Variants in MIPOL1 observed in about 807,000 individuals in gnomAD.
MIPOL1 encodes mirror-image polydactyly gene 1 protein.
Under a neutral mutation model 60.9 loss-of-function variants are expected in MIPOL1, and 57 were observed. That is an observed-to-expected ratio of 0.94 (90% CI 0.76 to 1.17). MIPOL1 has a LOEUF of 1.17. MIPOL1 is among the 50% of genes most tolerant of loss of function. The pLI is 0.00. For missense variants in MIPOL1, 551 were observed against 511.6 expected (o/e 1.08, Z -0.74); for synonymous variants, 179 against 168.8 (o/e 1.06, Z -0.47).
At chr14:37,304,045 T>G (rs1275198834) in intron 7 of MIPOL1, among the ~76,000 whole-genome samples, 1 of 151,754 alleles carries the variant, frequency 6.6e-6, no homozygotes, top group Non-Finnish European at 1.5e-5. Context: ...CTGTCAAGAG[T>G]GTGTTTTAGA....
chr14:37,287,166 A>G (rs1055793880), intron 7 of MIPOL1, among the ~76,000 whole-genome samples: 44 of 151,806 alleles, frequency 2.9e-4, no homozygotes, highest in Middle Eastern at 3.5e-3. Context: ...ACAGGTTGTC[A>G]TAAGGAGTAA....
chr14:37,198,493 T>C (rs1431116212), intron 1 of MIPOL1, among the ~76,000 whole-genome samples: 1 of 152,136 alleles, frequency 6.6e-6, no homozygotes, highest in African/African-American at 2.4e-5. Flanking sequence ...TCGTTTTATA[T>C]TTCATTTCTC....
chr14:37,278,854 A>C (rs1028515412), intron 6 of MIPOL1: 4 of 151,944 alleles, frequency 2.6e-5, no homozygotes, highest in African/African-American at 9.6e-5. Flanking sequence ...CCTTGACTCA[A>C]TAAACTCATA....
intron 10 of MIPOL1, among the ~76,000 whole-genome samples, chr14:37,380,709 GTGT>G (rs1324594114): frequency 4.6e-5 from 7 of 152,270 alleles, no homozygotes; most frequent in African/African-American, 1.7e-4. Flanking sequence ...TTCATAGTCA[GTGT>G]TGTTTTAGGA....
chr14:37,418,935 A>G (rs956134286), intron 10 of MIPOL1, among the ~76,000 whole-genome samples: 2 of 152,070 alleles, frequency 1.3e-5, no homozygotes, highest in Admixed American at 6.6e-5. Flanking sequence ...ATATAGCTAT[A>G]TATATCTATA....
At chr14:37,405,356 A>C (rs1171260661) in intron 10 of MIPOL1, among the ~76,000 whole-genome samples, 2 of 152,154 alleles carry the variant, frequency 1.3e-5, no homozygotes, top group Non-Finnish European at 2.9e-5. Flanking sequence ...ATTAACATAA[A>C]TGAAGTCAGG....
At chr14:37,340,693 CAA>C (rs34138949) in intron 9 of MIPOL1, among the ~76,000 whole-genome samples, 28 of 98,252 alleles carry the variant, frequency 2.8e-4, no homozygotes, top group South Asian at 3.2e-4. Flanking sequence ...GACCCTGTCT[CAA>C]AAAAAAAAAA....
intron 12 of MIPOL1, among the ~76,000 whole-genome samples, chr14:37,542,311 G>A (rs1423508101): frequency 6.6e-6 from 1 of 151,760 alleles, no homozygotes; most frequent in African/African-American, 2.4e-5. Context: ...TTATATATTT[G>A]TTGTCATTTT....
chr14:37,417,963 A>G lies in MIPOL1; in HGVS notation c.937-4892A>G, dbSNP rs77847810. On this transcript the variant is annotated intron_variant, in intron 10 of 12. Coordinates refer to ENST00000684589, the MANE Select transcript of MIPOL1 (RefSeq NM_001388067.1). The stretch of plus-strand genomic sequence containing the variant: ...CCCTGAACATGTTGTATTAGCAACA[A>G]TTTCCTCCTCTATAAAAGTAAGGTT... Among the ~76,000 whole-genome samples, 736 of 152,222 alleles carry G rather than the reference A, an allele frequency of 4.8e-3. 4 individuals are homozygous for G. Among genetic ancestry groups the G allele is most frequent in the African/African-American group, 0.016 (647 of 41,552 alleles).
rs114761811 is a variant in MIPOL1, at chr14:37,221,253, T to C, written c.-199+23149T>C. The stretch of plus-strand genomic sequence containing the variant: ...ACTGGAAAGTCCAAGAGCATAGTGC[T>C]GGCATCTGGCAAGGGCCTTTGTGCT... On this transcript the variant is annotated intron_variant, in intron 1 of 12. Transcript: ENST00000684589. Among the ~76,000 whole-genome samples the C allele has an allele frequency of 5.0e-3, 765 of 152,336 alleles. 9 individuals carry two copies. Among genetic ancestry groups the C allele is most frequent in the African/African-American group, 0.017 (714 of 41,586 alleles).
intron 11 of MIPOL1, among the ~76,000 whole-genome samples, chr14:37,491,046 T>G (rs1024083864): frequency 1.8e-4 from 28 of 152,336 alleles, no homozygotes; most frequent in African/African-American, 6.0e-4. Context: ...ATGTGTTATA[T>G]GACAAAATTC....
chr14:37,358,808 C>T (rs766061828), intron 9 of MIPOL1, among the ~76,000 whole-genome samples: 2 of 152,136 alleles, frequency 1.3e-5, no homozygotes, highest in South Asian at 4.1e-4. Flanking sequence ...AGGGTAGTTT[C>T]TCTTGCTGTG....
intron 3 of MIPOL1, among the ~76,000 whole-genome samples, chr14:37,257,773 G>A (rs184478977): frequency 2.0e-5 from 3 of 152,214 alleles, no homozygotes; most frequent in Non-Finnish European, 4.4e-5. Context: ...TAGCTAAAAA[G>A]TCCCATATTT....
intron 5 of MIPOL1, among the ~76,000 whole-genome samples, chr14:37,270,014 A>ATT (rs2083173060): frequency 6.6e-6 from 1 of 152,042 alleles, no homozygotes; most frequent in Admixed American, 6.6e-5. Context: ...TTTTTAGTAG[A>ATT]GACGGGGTTT....
chr14:37,261,985 A>G (rs1389751059), intron 3 of MIPOL1, among the ~76,000 whole-genome samples: 1 of 151,982 alleles, frequency 6.6e-6, no homozygotes, highest in Non-Finnish European at 1.5e-5. Flanking sequence ...TTTATCTTGT[A>G]CACACATATT....
At chr14:37,433,738 T>C (rs1389069742) in intron 11 of MIPOL1, among the ~76,000 whole-genome samples, 2 of 152,056 alleles carry the variant, frequency 1.3e-5, no homozygotes, top group Non-Finnish European at 2.9e-5. Flanking sequence ...GTATTTTTAG[T>C]AGAGACGGGG....
chr14:37,286,243 C>G (rs1162879471), intron 7 of MIPOL1, among the ~76,000 whole-genome samples: 1 of 152,096 alleles, frequency 6.6e-6, no homozygotes, highest in African/African-American at 2.4e-5. Context: ...TTTAAAGCAA[C>G]CCAGGTGATT....
chr14:37,483,566 G>GT (rs1470039063), intron 11 of MIPOL1, among the ~76,000 whole-genome samples: 1 of 152,022 alleles, frequency 6.6e-6, no homozygotes. Flanking sequence ...CTGAAAGCAG[G>GT]TTCCTCCAAA....
chr14:37,490,209 G>A (rs530067284), intron 11 of MIPOL1, among the ~76,000 whole-genome samples: 1 of 152,294 alleles, frequency 6.6e-6, no homozygotes, highest in East Asian at 1.9e-4. Context: ...GCTGCAGTGG[G>A]CTCCACCCAG....
Sources: gnomAD v4.1 joint callset for allele counts (sites outside exome capture counted in the v4.1 genomes callset) on GRCh38, gnomAD v4.1.1 for gene constraint, MANE v1.5 for transcripts, NCBI Gene and HGNC (gene_info 2026-07-23, HGNC 2026-07-21) for gene names.